The following PTPRT variants were observed in gnomAD, a reference collection of about 807,000 sequenced individuals.
The protein encoded by PTPRT is receptor-type tyrosine-protein phosphatase T.
Under a neutral mutation model 176.8 loss-of-function variants are expected in PTPRT, and 56 were observed. The observed-to-expected ratio is 0.32, with a 90% CI of 0.26 to 0.40. The LOEUF is 0.40. PTPRT is among the 10% of genes least tolerant of loss of function. PTPRT has a pLI of 1.00. For missense variants in PTPRT, 1,540 were observed against 1,908.2 expected (o/e 0.81, Z 3.60); for synonymous variants, 783 against 739.0 (o/e 1.06, Z -0.96).
At position 42,490,779 on chromosome 20, in the gene PTPRT, A is replaced by G. The variant is rs376802205; in HGVS notation, c.1154-18217T>C. Among the ~76,000 whole-genome samples, 45 of 152,264 alleles carry G rather than the reference A, an allele frequency of 3.0e-4. No homozygotes were observed. The East Asian group carries it at 5.4e-3, about 18-fold the overall frequency. ...TTCTCCCTGCTCCAAAAAGGAATGC[A>G]CCTGCATTTTCTACATTAGGTATAA... On this transcript the variant is annotated intron_variant, in intron 7 of 30. Transcript: ENST00000373187.
chr20:42,645,764 A>ATGTGTGTGTGTGTGTGTGTG (rs59454108), intron 7 of PTPRT, among the ~76,000 whole-genome samples: 1 of 139,480 alleles, frequency 7.2e-6, no homozygotes, highest in African/African-American at 2.6e-5. Flanking sequence ...ATGTGTATTT[A>ATGTGTGTGTGTGTGTGTGTG]TGTGTGTGTG....
intron 5 of PTPRT, among the ~76,000 whole-genome samples, chr20:42,764,670 C>T (rs2076958696): frequency 6.6e-6 from 1 of 152,204 alleles, no homozygotes; most frequent in Non-Finnish European, 1.5e-5. Context: ...GTCATCTACC[C>T]ATCTAAGGCT....
intron 12 of PTPRT, among the ~76,000 whole-genome samples, chr20:42,304,866 T>C (rs1023659544): frequency 1.3e-5 from 2 of 152,194 alleles, no homozygotes; most frequent in African/African-American, 2.4e-5. Context: ...CCTCTTAGTG[T>C]CTTTCATGAA....
intron 7 of PTPRT, among the ~76,000 whole-genome samples, chr20:42,649,659 G>A (rs1378417978): frequency 6.6e-6 from 1 of 152,108 alleles, no homozygotes; most frequent in Admixed American, 6.5e-5. Context: ...CTCATCTCTG[G>A]GGAGTATGGG....
chr20:42,199,133 A>G, intron 16 of PTPRT, 107 bp downstream of exon 16: 5 of 1,358,676 alleles, frequency 3.7e-6, no homozygotes, highest in Non-Finnish European at 5.1e-6. Flanking sequence ...GCAAGCATCC[A>G]TACCCTATGC....
chr20:42,959,991 C>T (rs1383138559), intron 1 of PTPRT, among the ~76,000 whole-genome samples: 1 of 152,130 alleles, frequency 6.6e-6, no homozygotes, highest in Non-Finnish European at 1.5e-5. Flanking sequence ...CTCTCACCTC[C>T]AAGGGCTGGC....
intron 7 of PTPRT, among the ~76,000 whole-genome samples, chr20:42,624,005 C>CAAAAAAAAAAAAAAAAAACAAACA (rs1159094345): frequency 5.9e-5 from 8 of 135,756 alleles, no homozygotes; most frequent in South Asian, 4.6e-4. Flanking sequence ...AAAACAATAG[C>CAAAAAAAAAAAAAAAAAACAAACA]AACAAACAAA....
At chr20:42,744,090 C>T (rs2076654627) in intron 6 of PTPRT, among the ~76,000 whole-genome samples, 1 of 152,222 alleles carries the variant, frequency 6.6e-6, no homozygotes, top group Non-Finnish European at 1.5e-5. Flanking sequence ...CTGGCTGGGA[C>T]TGTTCACCTG....
intron 17 of PTPRT, among the ~76,000 whole-genome samples, chr20:42,152,374 C>G (rs6030009): frequency 0.13 from 20,359 of 152,216 alleles, 3,495 homozygotes; most frequent in African/African-American, 0.4. Flanking sequence ...TATTGCATAC[C>G]ATGTCACTAA....
chr20:42,255,430 T>C (rs1480095462), intron 13 of PTPRT, among the ~76,000 whole-genome samples: 3 of 152,120 alleles, frequency 2.0e-5, no homozygotes, highest in Non-Finnish European at 4.4e-5. Context: ...GGATCCAGGG[T>C]AGCACTAGGG....
At chr20:42,051,604 C>T in the PTPRT span, among the ~76,000 whole-genome samples, 25 of 152,188 alleles carry the variant, frequency 1.6e-4, no homozygotes, top group Admixed American at 2.0e-4. Flanking sequence ...GAGTGGTTGT[C>T]AGACCCCCAT....
chr20:42,689,913 C>T (rs6102987), intron 6 of PTPRT, among the ~76,000 whole-genome samples: 11,896 of 152,126 alleles, frequency 0.078, 511 homozygotes, highest in South Asian at 0.16. Flanking sequence ...ACCTCCAATG[C>T]TATAAGATCA....
At chr20:42,707,117 G>A (rs2076071914) in intron 6 of PTPRT, among the ~76,000 whole-genome samples, 1 of 152,226 alleles carries the variant, frequency 6.6e-6, no homozygotes, top group Non-Finnish European at 1.5e-5. Flanking sequence ...ACACCTTGCT[G>A]TCAGACTCTT....
At chr20:42,113,946 G>A (rs1200739543) in intron 22 of PTPRT, among the ~76,000 whole-genome samples, 1 of 152,160 alleles carries the variant, frequency 6.6e-6, no homozygotes, top group Non-Finnish European at 1.5e-5. Context: ...AGCTTCCGGG[G>A]CAAACAGTAT....
intron 2 of PTPRT, among the ~76,000 whole-genome samples, chr20:42,808,396 A>G (rs2077645014): frequency 6.6e-6 from 1 of 152,178 alleles, no homozygotes; most frequent in Non-Finnish European, 1.5e-5. Flanking sequence ...ACACACAGGA[A>G]TATTCCAGGT....
At chr20:42,819,918 G>C (rs1473484825) in intron 2 of PTPRT, among the ~76,000 whole-genome samples, 1 of 151,846 alleles carries the variant, frequency 6.6e-6, no homozygotes, top group East Asian at 1.9e-4. Context: ...AGATTCATAA[G>C]ACAATCTTAG....
chr20:42,871,673 G>T (rs558147665), intron 2 of PTPRT, among the ~76,000 whole-genome samples: 2 of 106,522 alleles, frequency 1.9e-5, no homozygotes, highest in Non-Finnish European at 3.8e-5. Context: ...GTAAGTTAAG[G>T]ATCTGCTACA....
At chr20:42,911,430 A>G (rs1268280611) in intron 1 of PTPRT, among the ~76,000 whole-genome samples, 1 of 152,166 alleles carries the variant, frequency 6.6e-6, no homozygotes, top group African/African-American at 2.4e-5. Context: ...AGCCATAACT[A>G]TTGACAGATA....
At chr20:43,045,711 C>T (rs966372330) in intron 1 of PTPRT, among the ~76,000 whole-genome samples, 2 of 151,416 alleles carry the variant, frequency 1.3e-5, no homozygotes, top group African/African-American at 4.9e-5. Context: ...AATCCTCCTG[C>T]CTCAGCCCCC....
Sources: allele counts gnomAD v4.1 joint callset (sites outside exome capture counted in the v4.1 genomes callset), GRCh38; gene constraint gnomAD v4.1.1; transcripts MANE v1.5; gene names NCBI Gene and HGNC (gene_info 2026-07-23, HGNC 2026-07-21).